Variants in DRC11 observed in about 807,000 individuals in gnomAD.
DRC11 encodes IQ and AAA domain-containing protein 1.
the DRC11 span, among the ~76,000 whole-genome samples, chr2:236,380,246 G>C: frequency 6.6e-6 from 1 of 152,190 alleles, no homozygotes; most frequent in African/African-American, 2.4e-5. This position sits in a 1 kb window ranked among gnomAD's most constrained non-coding sequence, Gnocchi z 4.9. Flanking sequence ...TGTCCTGTGA[G>C]AACTCAGAGT....
the DRC11 span, among the ~76,000 whole-genome samples, chr2:236,363,348 A>G: frequency 6.6e-6 from 1 of 152,212 alleles, no homozygotes; most frequent in African/African-American, 2.4e-5. The surrounding 1 kb of genome is among the most constrained non-coding windows in gnomAD (Gnocchi z 5.6). Context: ...AGGTGCCTGC[A>G]GGCTTTTCCA....
At chr2:236,490,944 GTA>G in the DRC11 span, among the ~76,000 whole-genome samples, 11 of 146,076 alleles carry the variant, frequency 7.5e-5, no homozygotes, top group Non-Finnish European at 1.0e-4. The surrounding 1 kb of genome is among the most constrained non-coding windows in gnomAD (Gnocchi z 5.5). Flanking sequence ...ATATGAGTGT[GTA>G]TATATATGTG....
At chr2:236,357,540 T>A in the DRC11 span, among the ~76,000 whole-genome samples, 7 of 127,300 alleles carry the variant, frequency 5.5e-5, no homozygotes, top group African/African-American at 1.9e-4. Context: ...TGAATATAAT[T>A]TATATATTAT....
chr2:236,431,314 G>A, the DRC11 span, among the ~76,000 whole-genome samples: 255 of 152,298 alleles, frequency 1.7e-3, 3 homozygotes, highest in African/African-American at 5.6e-3. The surrounding 1 kb of genome is among the most constrained non-coding windows in gnomAD (Gnocchi z 4.2). Context: ...TGGCTGGGAA[G>A]GCCTCAGGAA....
the DRC11 span, among the ~76,000 whole-genome samples, chr2:236,381,891 A>T: frequency 2.0e-5 from 3 of 152,104 alleles, no homozygotes; most frequent in Non-Finnish European, 4.4e-5. This position sits in a 1 kb window ranked among gnomAD's most constrained non-coding sequence, Gnocchi z 5.8. Flanking sequence ...TTTGTCAGAT[A>T]TGTGGTTTGC....
chr2:236,494,889 G>C, the DRC11 span, among the ~76,000 whole-genome samples: 1 of 152,186 alleles, frequency 6.6e-6, no homozygotes, highest in African/African-American at 2.4e-5. The surrounding 1 kb of genome is among the most constrained non-coding windows in gnomAD (Gnocchi z 4.2). Flanking sequence ...TAGTGGGTGG[G>C]TGTGGCCTGA....
the DRC11 span, among the ~76,000 whole-genome samples, chr2:236,495,987 G>A: frequency 1.3e-5 from 2 of 152,122 alleles, no homozygotes; most frequent in South Asian, 4.1e-4. This position sits in a 1 kb window ranked among gnomAD's most constrained non-coding sequence, Gnocchi z 5.6. Context: ...GCCACATAGA[G>A]CCCCAAATGC....
At chr2:236,484,187 C>A in the DRC11 span, among the ~76,000 whole-genome samples, 1 of 152,054 alleles carries the variant, frequency 6.6e-6, no homozygotes, top group Non-Finnish European at 1.5e-5. Flanking sequence ...GAAAAGAATC[C>A]CGATTTTTGT....
the DRC11 span, chr2:236,507,233 T>TG: frequency 6.2e-7 from 1 of 1,613,584 alleles, no homozygotes; most frequent in African/African-American, 1.3e-5. Context: ...ACTCCATGGC[T>TG]GTGGCTGGGA....
At chr2:236,421,647 A>C in the DRC11 span, among the ~76,000 whole-genome samples, 1 of 152,236 alleles carries the variant, frequency 6.6e-6, no homozygotes, top group Non-Finnish European at 1.5e-5. Flanking sequence ...AGGAGCTGGT[A>C]CCATTCCTTC....
At chr2:236,344,548 A>G in the DRC11 span, 1 of 1,605,564 alleles carries the variant, frequency 6.2e-7, no homozygotes. Flanking sequence ...GGCATGAGAA[A>G]GTCCTCACCA....
chr2:236,367,096 A>G, the DRC11 span, among the ~76,000 whole-genome samples: 5 of 150,124 alleles, frequency 3.3e-5, no homozygotes, highest in South Asian at 1.0e-3. This position sits in a 1 kb window ranked among gnomAD's most constrained non-coding sequence, Gnocchi z 4.8. Flanking sequence ...CTGGGATTAC[A>G]TGCGTGAGCC....
the DRC11 span, among the ~76,000 whole-genome samples, chr2:236,310,020 A>G: frequency 2.6e-5 from 4 of 152,174 alleles, no homozygotes; most frequent in African/African-American, 9.7e-5. The surrounding 1 kb of genome is among the most constrained non-coding windows in gnomAD (Gnocchi z 5.5). Context: ...GCCTGCCCGC[A>G]GTTTGATCAG....
chr2:236,369,191 A>G, the DRC11 span: 1 of 152,244 alleles, frequency 6.6e-6, no homozygotes, highest in Non-Finnish European at 1.5e-5. This position sits in a 1 kb window ranked among gnomAD's most constrained non-coding sequence, Gnocchi z 4.5. Flanking sequence ...GTGTACAGCA[A>G]GTACAATATG....
chr2:236,429,580 G>A, the DRC11 span, among the ~76,000 whole-genome samples: 1 of 152,146 alleles, frequency 6.6e-6, no homozygotes, highest in Non-Finnish European at 1.5e-5. The surrounding 1 kb of genome is among the most constrained non-coding windows in gnomAD (Gnocchi z 5.9). Flanking sequence ...GTCTGTGGTA[G>A]GGGGCTCCAA....
chr2:236,447,801 T>A, the DRC11 span, among the ~76,000 whole-genome samples: 1 of 152,014 alleles, frequency 6.6e-6, no homozygotes, highest in South Asian at 2.1e-4. This position sits in a 1 kb window ranked among gnomAD's most constrained non-coding sequence, Gnocchi z 4.6. Context: ...GCTGGTTCCA[T>A]TTGGTGGTTT....
the DRC11 span, among the ~76,000 whole-genome samples, chr2:236,436,478 G>C: frequency 6.6e-6 from 1 of 152,088 alleles, no homozygotes; most frequent in Non-Finnish European, 1.5e-5. Context: ...ATTTTTACAT[G>C]TAAATATTTA....
chr2:236,474,955 T>G, the DRC11 span, among the ~76,000 whole-genome samples: 1 of 152,178 alleles, frequency 6.6e-6, no homozygotes, highest in Non-Finnish European at 1.5e-5. Flanking sequence ...ATCTCAAATA[T>G]TTATCTTTTC....
At chr2:236,358,802 C>G in the DRC11 span, among the ~76,000 whole-genome samples, 1 of 146,116 alleles carries the variant, frequency 6.8e-6, no homozygotes, top group Non-Finnish European at 1.5e-5. Flanking sequence ...AGAGGTCTGA[C>G]CTCTGGATTT....
Sources: gnomAD v4.1 joint callset for allele counts (sites outside exome capture counted in the v4.1 genomes callset) on GRCh38, gnomAD v4.1.1 for gene constraint, Gnocchi (gnomAD v3.1) non-coding constraint, MANE v1.5 for transcripts, NCBI Gene and HGNC (gene_info 2026-07-23, HGNC 2026-07-21) for gene names.